The following XYLB variants were observed in gnomAD, a reference collection of about 807,000 sequenced individuals.
The protein encoded by XYLB is xylulose kinase.
A neutral mutation model predicts 78.7 loss-of-function variants in XYLB; 62 were observed. The observed-to-expected ratio is 0.79, with a 90% CI of 0.64 to 0.97. The LOEUF (loss-of-function observed/expected upper bound fraction) is 0.97. XYLB is among the 50% of genes least tolerant of loss of function. The pLI is 0.00. For missense variants in XYLB, 687 were observed against 676.8 expected (o/e 1.02, Z -0.17); for synonymous variants, 245 against 247.4 (o/e 0.99, Z 0.09).
chr3:38,421,874 G>T (rs533808853), downstream of XYLB, among the ~76,000 whole-genome samples: 2 of 152,084 alleles, frequency 1.3e-5, no homozygotes, highest in Non-Finnish European at 2.9e-5. Flanking sequence ...GAGGACACTG[G>T]GCGAAAAGTA....
chr3:38,376,895 A>C, intron 13 of XYLB, 23 bp from the exon 14 acceptor site: 4 of 1,604,500 alleles, frequency 2.5e-6, no homozygotes, highest in Non-Finnish European at 3.4e-6. Flanking sequence ...ATGACGGCTG[A>C]TCTCTTCCTG....
At chr3:38,369,242 A>C (rs1034033369) in intron 8 of XYLB, among the ~76,000 whole-genome samples, 2 of 152,194 alleles carry the variant, frequency 1.3e-5, no homozygotes, top group Non-Finnish European at 2.9e-5. Context: ...CACAATCTGG[A>C]GGAGGCAACA....
rs759309077 is a variant in XYLB, at chr3:38,366,759, T to A, written c.508-49T>A. ...AAACTCACTTTGTGGAGGTAATTGTTCATTCTGTGTAGGATTTGGGTTCCT... is the reference window on the plus strand; with the variant it reads ...AAACTCACTTTGTGGAGGTAATTGTACATTCTGTGTAGGATTTGGGTTCCT... On this transcript the variant is annotated intron_variant, in intron 6 of 18. Coordinates refer to ENST00000207870, the MANE Select transcript of XYLB (RefSeq NM_005108.4). 12 of 1,266,316 alleles carry A rather than the reference T, an allele frequency of 9.5e-6. No individual in the cohort carries two copies. The East Asian group carries it at 2.8e-4, about 29-fold the overall frequency. 78.4% of individuals were successfully genotyped at this position (1,266,316 alleles called of 1,614,324 possible).
intron 15 of XYLB, among the ~76,000 whole-genome samples, chr3:38,382,770 G>T (rs1707209991): frequency 6.6e-6 from 1 of 152,204 alleles, no homozygotes. Flanking sequence ...GGCCCCCATG[G>T]GCTCAGGAGG....
intron 12 of XYLB, 111 bp downstream of exon 12, chr3:38,375,370 C>T: frequency 2.1e-6 from 2 of 941,068 alleles, no homozygotes; most frequent in Non-Finnish European, 3.3e-6. Context: ...TGACTCCCTC[C>T]ACTTTCCCGG....
Position 38,370,240 on chromosome 3 carries a change from G to GCACA in XYLB, c.765+90_765+93dup, listed in dbSNP as rs3219563. 3,093 of 645,952 alleles carry GCACA rather than the reference G, an allele frequency of 4.8e-3. 16 individuals carry two copies. The highest frequency in any genetic ancestry group is 0.022 in the African/African-American group (1,196 of 55,124). 40.0% of individuals were successfully genotyped at this position (645,952 alleles called of 1,614,324 possible). A position where few individuals can be genotyped will look rare whatever the true frequency, so the allele number is the denominator to read the frequency against. Reference sequence around the variant, plus strand: ...GCAGCTACCAGGGAAGCACTGTAGCGCACACACACACACACACACACACAC... The same window carrying GCACA: ...GCAGCTACCAGGGAAGCACTGTAGCGCACACACACACACACACACACACACACAC... On this transcript the variant is annotated intron_variant, in intron 9 of 18. Transcript: ENST00000207870.
Position 38,361,536 on chromosome 3 carries a change from G to C in XYLB, c.210+1128G>C, listed in dbSNP as rs538688660. ...CTGGCTAGAATGTACTTCAGAGGGG[G>C]CTGAGCCAGACCAAGGGGCAGAGTG... is the stretch of plus-strand genomic sequence containing the variant. On this transcript the variant is annotated intron_variant, in intron 3 of 18. Coordinates refer to ENST00000207870, the MANE Select transcript of XYLB (RefSeq NM_005108.4). Among the ~76,000 whole-genome samples, 12 of 152,328 alleles carry C rather than the reference G, an allele frequency of 7.9e-5. No individual in the cohort carries two copies. In the South Asian group the frequency reaches 2.5e-3, roughly 32 times the overall value.
the XYLB span, among the ~76,000 whole-genome samples, chr3:38,433,140 C>T: frequency 6.6e-6 from 1 of 152,242 alleles, no homozygotes; most frequent in African/African-American, 2.4e-5. Context: ...ACCTGCAGGC[C>T]CAACACCATG....
chr3:38,354,169 G>A (rs1705517223), intron 2 of XYLB, among the ~76,000 whole-genome samples: 2 of 152,036 alleles, frequency 1.3e-5, no homozygotes, highest in South Asian at 2.1e-4. Flanking sequence ...TGCCTCCTGG[G>A]TTCAAGTGAT....
chr3:38,370,238 G>GCA lies in XYLB; in HGVS notation c.765+65_765+66insAC, dbSNP rs1553653435. 9 of 326,696 alleles carry GCA rather than the reference G, an allele frequency of 2.8e-5. No individual in the cohort carries two copies. In the African/African-American group the frequency reaches 3.1e-4, roughly 11 times the overall value. 20.2% of individuals were successfully genotyped at this position (326,696 alleles called of 1,614,324 possible). ...TGGCAGCTACCAGGGAAGCACTGTAGCGCACACACACACACACACACACAC... is the reference window on the plus strand; with the variant it reads ...TGGCAGCTACCAGGGAAGCACTGTAGCACGCACACACACACACACACACACAC... On this transcript the variant is annotated intron_variant, in intron 9 of 18. Transcript: ENST00000207870.
At chr3:38,398,919 C>T (rs1031630490) in intron 17 of XYLB, among the ~76,000 whole-genome samples, 1 of 151,546 alleles carries the variant, frequency 6.6e-6, no homozygotes, top group Non-Finnish European at 1.5e-5. Context: ...GTAGTCCCAG[C>T]TACTCGGGAG....
intron 2 of XYLB, 32 bp downstream of exon 2, chr3:38,348,664 G>C (rs183577359): frequency 1.2e-6 from 2 of 1,608,950 alleles, no homozygotes; most frequent in Admixed American, 3.3e-5. Context: ...GTGTGTGATG[G>C]GGGTGTTGGT....
At chr3:38,349,178 GAAC>G (rs1320381110) in intron 2 of XYLB, among the ~76,000 whole-genome samples, 2 of 152,228 alleles carry the variant, frequency 1.3e-5, no homozygotes, top group Non-Finnish European at 2.9e-5. Context: ...CAGGCAGAAG[GAAC>G]AACATGTGCG....
chr3:38,377,440 TTC>T (rs1253394035), intron 14 of XYLB, among the ~76,000 whole-genome samples: 1 of 102,084 alleles, frequency 9.8e-6, no homozygotes, highest in African/African-American at 3.9e-5. Context: ...TCATTTACTT[TTC>T]TTTTTTTTTT....
At chr3:38,437,005 A>AAAGAATAAT in the XYLB span, among the ~76,000 whole-genome samples, 1 of 134,806 alleles carries the variant, frequency 7.4e-6, no homozygotes, top group East Asian at 2.1e-4. Flanking sequence ...CTCCTTCTAA[A>AAAGAATAAT]AATAATAATA....
At chr3:38,446,343 G>A in the XYLB span, among the ~76,000 whole-genome samples, 1 of 152,134 alleles carries the variant, frequency 6.6e-6, no homozygotes, top group African/African-American at 2.4e-5. Context: ...GCTGATTGGT[G>A]CATTTTAAAA....
intron 18 of XYLB, among the ~76,000 whole-genome samples, chr3:38,411,999 T>C (rs28726359): frequency 4.3e-5 from 6 of 139,406 alleles, no homozygotes; most frequent in East Asian, 4.0e-4. Context: ...TTTTTTTTTT[T>C]CTTTTTTTTG....
chr3:38,421,448 C>T (rs891646314), downstream of XYLB: 2 of 152,248 alleles, frequency 1.3e-5, no homozygotes, highest in African/African-American at 4.8e-5. Context: ...TTTGAGTCTG[C>T]TTCGCCATCT....
intron 2 of XYLB, chr3:38,355,967 G>C (rs1705624798): frequency 1.7e-6 from 1 of 585,012 alleles, no homozygotes. Flanking sequence ...AGAAAATACT[G>C]GGGCCAGGTG....
Sources: gnomAD v4.1 joint callset for allele counts (sites outside exome capture counted in the v4.1 genomes callset) on GRCh38, gnomAD v4.1.1 for gene constraint, MANE v1.5 for transcripts, NCBI Gene and HGNC (gene_info 2026-07-23, HGNC 2026-07-21) for gene names.